Variants in RIT2 observed in about 807,000 individuals in gnomAD.
RIT2 encodes the protein Ras like without CAAX 2.
RIT2 carries 24 observed loss-of-function variants against 23.7 expected under a neutral mutation model. The ratio of observed to expected loss-of-function variants is 1.01; its 90% confidence interval spans 0.73 to 1.43. RIT2 has a LOEUF of 1.43. RIT2 is among the 40% of genes most tolerant of loss of function. The pLI is 0.00. For synonymous variants in RIT2, 107 were observed against 91.1 expected, an observed-to-expected ratio of 1.17 and a Z score of -0.99; for missense variants, 236 against 266.9, an observed-to-expected ratio of 0.88 and a Z score of 0.81.
intron 3 of RIT2, among the ~76,000 whole-genome samples, chr18:42,957,699 G>A (rs1292214481): frequency 2.0e-5 from 3 of 152,044 alleles, no homozygotes; most frequent in Non-Finnish European, 2.9e-5. Flanking sequence ...CAGGAGAATC[G>A]CTTGAACCCA....
intron 4 of RIT2, among the ~76,000 whole-genome samples, chr18:42,904,730 AT>A (rs1166918176): frequency 1.4e-4 from 21 of 152,168 alleles, no homozygotes; most frequent in African/African-American, 5.1e-4. Context: ...ATTAGTTGGG[AT>A]ATATAAGAAA....
intron 3 of RIT2, among the ~76,000 whole-genome samples, chr18:42,932,715 T>C (rs893742417): frequency 6.6e-6 from 1 of 152,148 alleles, no homozygotes; most frequent in Admixed American, 6.5e-5. Flanking sequence ...ATGATATCAT[T>C]TTCTCATAGC....
chr18:43,046,757 G>A (rs66650182), intron 1 of RIT2, among the ~76,000 whole-genome samples: 23,925 of 152,044 alleles, frequency 0.16, 2,136 homozygotes, highest in East Asian at 0.4. Flanking sequence ...CTTTCCTTAT[G>A]TACTCAACCA....
At chr18:43,038,120 G>A (rs1912025425) in intron 1 of RIT2, among the ~76,000 whole-genome samples, 2 of 150,188 alleles carry the variant, frequency 1.3e-5, no homozygotes, top group South Asian at 2.1e-4. Flanking sequence ...CAGGAGAATA[G>A]TGTGAACCCG....
intron 1 of RIT2, among the ~76,000 whole-genome samples, chr18:43,061,585 C>T (rs1033348267): frequency 3.3e-5 from 5 of 152,078 alleles, no homozygotes; most frequent in Non-Finnish European, 5.9e-5. Flanking sequence ...GGAGAATTTT[C>T]ATTTCTGTTT....
chr18:42,978,068 T>A (rs1910513523), intron 2 of RIT2, among the ~76,000 whole-genome samples: 1 of 151,876 alleles, frequency 6.6e-6, no homozygotes, highest in African/African-American at 2.4e-5. Flanking sequence ...TATAAGTGAA[T>A]CTTTCAGATT....
intron 4 of RIT2, among the ~76,000 whole-genome samples, chr18:42,843,938 A>G (rs991712115): frequency 1.3e-5 from 2 of 152,232 alleles, no homozygotes; most frequent in African/African-American, 4.8e-5. Flanking sequence ...TATGTTACCT[A>G]TTACAGGAAT....
chr18:42,990,808 G>C (rs76317430), intron 2 of RIT2, among the ~76,000 whole-genome samples: 316 of 139,002 alleles, frequency 2.3e-3, no homozygotes, highest in Non-Finnish European at 4.2e-3. Flanking sequence ...ATATGAAAAA[G>C]AGGTATTACA....
At chr18:42,893,253 T>C (rs1908232103) in intron 4 of RIT2, among the ~76,000 whole-genome samples, 1 of 151,410 alleles carries the variant, frequency 6.6e-6, no homozygotes, top group African/African-American at 2.4e-5. Flanking sequence ...AAGCTAACTC[T>C]CTGAGTCTAT....
chr18:42,950,026 T>A (rs1909813112), intron 3 of RIT2, among the ~76,000 whole-genome samples: 1 of 152,236 alleles, frequency 6.6e-6, no homozygotes, highest in African/African-American at 2.4e-5. Context: ...ACATATTAAA[T>A]CATATAATGA....
At chr18:42,868,467 C>G (rs1907531595) in intron 4 of RIT2, among the ~76,000 whole-genome samples, 1 of 152,192 alleles carries the variant, frequency 6.6e-6, no homozygotes, top group Non-Finnish European at 1.5e-5. Flanking sequence ...ATAATTTGCT[C>G]AAGATCTTAT....
At chr18:42,745,484 A>T (rs539208092) in intron 4 of RIT2, among the ~76,000 whole-genome samples, 1 of 152,250 alleles carries the variant, frequency 6.6e-6, no homozygotes, top group East Asian at 1.9e-4. Context: ...GATCTCACTG[A>T]TCCCACTAGT....
chr18:42,992,892 A>C (rs113773907), intron 2 of RIT2, among the ~76,000 whole-genome samples: 288 of 152,246 alleles, frequency 1.9e-3, no homozygotes, highest in African/African-American at 6.5e-3. Context: ...TTTATTATCA[A>C]TATGCATTTT....
chr18:43,025,399 C>A (rs955481712), intron 2 of RIT2, among the ~76,000 whole-genome samples: 2 of 151,940 alleles, frequency 1.3e-5, no homozygotes, highest in African/African-American at 4.8e-5. Context: ...AAAAATCGAA[C>A]TACCATTTGG....
intron 4 of RIT2, among the ~76,000 whole-genome samples, chr18:42,835,767 AACTCTTTAAAGAGTTATAC>A (rs1906584926): frequency 6.6e-6 from 1 of 152,178 alleles, no homozygotes; most frequent in Non-Finnish European, 1.5e-5. Context: ...GTATAAATTA[AACTCTTTAAAGAGTTATAC>A]ATTTAATTTT....
At chr18:42,991,608 GAA>G in intron 2 of RIT2, among the ~76,000 whole-genome samples, 1 of 142,888 alleles carries the variant, frequency 7.0e-6, no homozygotes, top group Non-Finnish European at 1.6e-5. Flanking sequence ...CAAAAGAAAT[GAA>G]AATGGCCTGT....
In RIT2 at chr18:42,869,304, G is replaced by C. The variant is rs148942224; in HGVS notation, c.426+54268C>G. Among the ~76,000 whole-genome samples the C allele has an allele frequency of 8.5e-5, 13 of 152,310 alleles. No individual in the cohort carries two copies. The East Asian group carries it at 1.7e-3, about 20-fold the overall frequency. ...GTTCGTGCTCCTATGAGAATCTAAT[G>C]CTGCAGCTAATCTGATAGGAGGTGG... On this transcript the variant is annotated intron_variant, in intron 4 of 4. Transcript: ENST00000326695.
intron 1 of RIT2, among the ~76,000 whole-genome samples, chr18:43,081,349 A>G (rs1438699897): frequency 2.0e-5 from 3 of 152,160 alleles, no homozygotes; most frequent in Non-Finnish European, 4.4e-5. Context: ...AATAACTGTA[A>G]TGATAATCAT....
chr18:42,890,740 T>C (rs1231173075), intron 4 of RIT2, among the ~76,000 whole-genome samples: 1 of 152,114 alleles, frequency 6.6e-6, no homozygotes, highest in Non-Finnish European at 1.5e-5. Flanking sequence ...TGGTTTCACA[T>C]TCTTTCAGCT....
Sources: allele counts gnomAD v4.1 joint callset (sites outside exome capture counted in the v4.1 genomes callset), GRCh38; gene constraint gnomAD v4.1.1; transcripts MANE v1.5; gene names NCBI Gene and HGNC (gene_info 2026-07-23, HGNC 2026-07-21).